Variants in ANGEL1 observed in about 807,000 individuals in gnomAD.
The protein encoded by ANGEL1 is angel homolog 1.
ANGEL1 carries 62 observed loss-of-function variants against 76.4 expected under a neutral mutation model. That is an observed-to-expected ratio of 0.81 (90% CI 0.66 to 1.00). The LOEUF (loss-of-function observed/expected upper bound fraction) is 1.00. Among genes scored for constraint, ANGEL1 ranks in the 50% least tolerant of loss-of-function variants. The pLI, the probability that ANGEL1 is intolerant of heterozygous loss-of-function variation, is 0.00. For missense variants in ANGEL1, 737 were observed against 836.7 expected, an observed-to-expected ratio of 0.88 and a Z score of 1.47; for synonymous variants, 340 against 331.7, an observed-to-expected ratio of 1.03 and a Z score of -0.27.
chr14:76,807,629 A>G lies in ANGEL1; in HGVS notation c.877-127T>C. ...ACTGAAACTTCCCAGAGTCACCAAC[A>G]GCAAGAACAGGCCCAGACTTAAGCT... On this transcript the variant is annotated intron_variant, in intron 3 of 9. Transcript: ENST00000251089. The G allele has an allele frequency of 4.6e-6, 4 of 872,770 alleles. No individual in the cohort carries two copies. In the South Asian group the frequency reaches 6.0e-5, roughly 13 times the overall value. 54.1% of individuals were successfully genotyped at this position (872,770 alleles called of 1,614,324 possible). A position where few individuals can be genotyped will look rare whatever the true frequency, so the allele number is the denominator to read the frequency against.
Position 76,812,729 on chromosome 14 carries a change from C to A in ANGEL1, c.64+35G>T, listed in dbSNP as rs749450832. On this transcript the variant is annotated intron_variant, in intron 1 of 9. Coordinates refer to ENST00000251089, the MANE Select transcript of ANGEL1 (RefSeq NM_015305.4). ...GGAGCCCCGCAGAGGCGAGCCCTGG[C>A]CGGGCTCCTGTCTGTCGGTACGCCT... 9.4e-6 allele frequency: 14 copies of A among 1,494,844 alleles called. No homozygotes were observed. The South Asian group carries it at 1.5e-4, about 16-fold the overall frequency. 92.6% of individuals were successfully genotyped at this position (1,494,844 alleles called of 1,614,324 possible).
At chr14:76,790,159 G>A (rs1273608621) in intron 9 of ANGEL1, among the ~76,000 whole-genome samples, 5 of 152,074 alleles carry the variant, frequency 3.3e-5, no homozygotes, top group African/African-American at 7.2e-5. Flanking sequence ...AGTAATACAC[G>A]TGCCTGGCCA....
chr14:76,812,572 G>T, intron 1 of ANGEL1, 192 bp downstream of exon 1: 2 of 1,250,290 alleles, frequency 1.6e-6, no homozygotes, highest in Non-Finnish European at 1.0e-6. Context: ...AGGGACGTCG[G>T]CCAGGTCCAG....
chr14:76,803,814 A>G lies in ANGEL1; in HGVS notation c.1479T>C (p.Tyr493=). 5 of 1,614,000 alleles carry G rather than the reference A, an allele frequency of 3.1e-6. No homozygotes were observed. Among genetic ancestry groups the G allele is most frequent in the Non-Finnish European group, 3.4e-6 (4 of 1,179,930 alleles). Residue 493 remains tyrosine, a synonymous_variant, in exon 6 of 10, where the codon TAT becomes TAC. Transcript: ENST00000251089. The part of the protein sequence containing the change: ...SSLGITDCCQ[Y]VTSCHPKRSE... ...ATCTCTTGGGGTGACAGGAGGTGAC[A>G]TACTGACAGCAATCAGTGATGCCCA... is the stretch of plus-strand genomic sequence containing the variant.
rs377664112 is a variant in ANGEL1, at chr14:76,790,647, A to G, written c.1816T>C (p.Phe606Leu). Residue 606 changes from phenylalanine (F) to leucine (L), a missense_variant, in exon 9 of 10, where the codon TTC (phenylalanine) becomes CTC (leucine). Phe to Leu is a conservative substitution (Grantham distance 22). Around this residue, in one of 2 missense-constraint regions of ANGEL1, gnomAD observed 296 missense variants for 387.2 expected, o/e 0.76. Coordinates refer to ENST00000251089, the MANE Select transcript of ANGEL1 (RefSeq NM_015305.4). ...GLGMTVDYIF[F>L]SAESCENGNR... ...CCATTCTCACAGGACTCAGCTGAGA[A>G]GAAGATGTAATCTACTGTCATTCCA... 3 of 1,614,130 alleles carry G rather than the reference A, an allele frequency of 1.9e-6. No individual in the cohort carries two copies. The highest frequency in any genetic ancestry group is 4.5e-5 in the East Asian group (2 of 44,874).
In ANGEL1 at chr14:76,804,200, G is replaced by C. The variant is rs1894849143; in HGVS notation, c.1381-288C>G. 6 of 1,410,250 alleles carry C rather than the reference G, an allele frequency of 4.3e-6. No individual in the cohort carries two copies. The Admixed American group carries it at 1.9e-4, about 44-fold the overall frequency. 87.4% of individuals were successfully genotyped at this position (1,410,250 alleles called of 1,614,324 possible). A position where few individuals can be genotyped will look rare whatever the true frequency, so the allele number is the denominator to read the frequency against. On this transcript the variant is annotated intron_variant, in intron 5 of 9. Coordinates refer to ENST00000251089, the MANE Select transcript of ANGEL1 (RefSeq NM_015305.4). ...ATGTGGTTCCCTAAATTTTACCTCT[G>C]AAAAATCAATACAATTCTCCTCCAC...
intron 6 of ANGEL1, 84 bp from the exon 7 acceptor site, chr14:76,803,565 C>T: frequency 7.1e-7 from 1 of 1,415,542 alleles, no homozygotes; most frequent in Admixed American, 1.8e-5. Flanking sequence ...CAACTTCCAG[C>T]ATAGGTACAC....
intron 6 of ANGEL1, 37 bp downstream of exon 6, chr14:76,803,749 G>A (rs1192377765): frequency 3.2e-6 from 5 of 1,570,886 alleles, no homozygotes; most frequent in Non-Finnish European, 4.3e-6. Flanking sequence ...AAATGGGCAT[G>A]AAGACACAGC....
intron 7 of ANGEL1, among the ~76,000 whole-genome samples, chr14:76,800,418 C>A (rs981421813): frequency 1.3e-5 from 2 of 152,190 alleles, no homozygotes; most frequent in African/African-American, 4.8e-5. Flanking sequence ...TTTGACTTTG[C>A]AATTAAAATA....
chr14:76,812,398 G>C lies in ANGEL1; in HGVS notation c.64+366C>G, dbSNP rs536646402. 6 of 1,080,566 alleles carry C rather than the reference G, an allele frequency of 5.6e-6. No homozygotes were observed. In the South Asian group the frequency reaches 2.2e-4, roughly 40 times the overall value. The allele number at this position is 1,080,566 out of a possible 1,614,324, so 66.9% of individuals were successfully genotyped here. The stretch of plus-strand genomic sequence containing the variant: ...AGAATTTGGGCACTCGCCTAGGTCC[G>C]AGCTACTACCCCTTCCCGACCCGCC... On this transcript the variant is annotated intron_variant, in intron 1 of 9. Coordinates refer to ENST00000251089, the MANE Select transcript of ANGEL1 (RefSeq NM_015305.4).
intron 9 of ANGEL1, among the ~76,000 whole-genome samples, chr14:76,790,233 G>A (rs1480132943): frequency 2.0e-5 from 3 of 152,220 alleles, no homozygotes. Context: ...CATGGGGCTG[G>A]GAGATTGCTA....
chr14:76,806,872 G>C, intron 4 of ANGEL1, 23 bp from the exon 5 acceptor site: 1 of 1,603,738 alleles, frequency 6.2e-7, no homozygotes. Context: ...TCCCACCAAA[G>C]AGATGGGTCA....
At chr14:76,791,404 CAGACAGT>C in intron 7 of ANGEL1, 38 bp from the exon 8 acceptor site, 1 of 1,595,448 alleles carries the variant, frequency 6.3e-7, no homozygotes, top group Non-Finnish European at 8.6e-7. Flanking sequence ...TTCTCATCCA[CAGACAGT>C]GAAGCAGGAT....
At position 76,789,383 on chromosome 14, in the gene ANGEL1, T is replaced by G; in HGVS notation, c.1858A>C (p.Arg620=). 6.2e-7 allele frequency: 1 copy of G among 1,614,134 alleles called. No individual in the cohort carries two copies. Among genetic ancestry groups the G allele is most frequent in the Non-Finnish European group, 8.5e-7 (1 of 1,179,992 alleles). The change falls in exon 10 of 10, where the codon AGG becomes CGG. Residue 620 remains arginine, a synonymous_variant. Transcript: ENST00000251089. Reference sequence around the variant, plus strand: ...TTGAGAGTTCCATCTCGATACAGCCTGTGATCTGGGGCACAAAGCAGAAGC... The same window carrying G: ...TTGAGAGTTCCATCTCGATACAGCCGGTGATCTGGGGCACAAAGCAGAAGC... The part of the protein sequence containing the change: ...SCENGNRTDH[R]LYRDGTLKLL...
At chr14:76,789,777 C>T (rs188850866) in intron 9 of ANGEL1, among the ~76,000 whole-genome samples, 26 of 151,338 alleles carry the variant, frequency 1.7e-4, no homozygotes, top group African/African-American at 6.3e-4. Context: ...TCACTGCAAC[C>T]TCTGACCCCC....
intron 5 of ANGEL1, 126 bp downstream of exon 5, chr14:76,806,290 A>C (rs1894914776): frequency 1.0e-6 from 1 of 1,003,206 alleles, no homozygotes; most frequent in East Asian, 2.6e-5. Flanking sequence ...TCAACATAAC[A>C]AGAAAAAGGA....
chr14:76,806,323 C>G, intron 5 of ANGEL1, 93 bp downstream of exon 5: 4 of 1,350,824 alleles, frequency 3.0e-6, no homozygotes, highest in Non-Finnish European at 4.1e-6. Context: ...AGCAGGTGTA[C>G]TGAGGTCCCT....
In ANGEL1 at chr14:76,789,266, G is replaced by A. The variant is rs1894326876; in HGVS notation, c.1975C>T (p.Leu659=). Residue 659 remains leucine (L), a synonymous_variant, in exon 10 of 10, where the codon CTG becomes TTG. Transcript: ENST00000251089. ...ACTTCCATCCCGAAGCTGGCTAGCAGGCAGAGGTGGTCTGAAGAGCAGAAG... is the reference window on the plus strand; with the variant it reads ...ACTTCCATCCCGAAGCTGGCTAGCAAGCAGAGGTGGTCTGAAGAGCAGAAG... ...NPFCSSDHLC[L]LASFGMEVTA... 2 of 1,614,258 alleles carry A rather than the reference G, an allele frequency of 1.2e-6. No individual in the cohort carries two copies. Among genetic ancestry groups the A allele is most frequent in the East Asian group, 4.5e-5 (2 of 44,892 alleles).
In ANGEL1 at chr14:76,796,711, T is replaced by A. The variant is rs191180268; in HGVS notation, c.1619-5345A>T. ...TGAATCAGATTTATCATCCGACATG[T>A]TACTTAGTTATTCTATATTCTTAGT... On this transcript the variant is annotated intron_variant, in intron 7 of 9. Transcript: ENST00000251089. Among the ~76,000 whole-genome samples the A allele has an allele frequency of 8.5e-3, 1,301 of 152,344 alleles. 10 individuals are homozygous for A. The highest frequency in any genetic ancestry group is 0.014 in the Non-Finnish European group (970 of 68,028).
Sources: allele counts gnomAD v4.1 joint callset (sites outside exome capture counted in the v4.1 genomes callset), GRCh38; gene constraint gnomAD v4.1.1; regional missense constraint gnomAD v4.1.1; transcripts MANE v1.5; gene names NCBI Gene and HGNC (gene_info 2026-07-23, HGNC 2026-07-21).